The following SMAP1 variants were observed in gnomAD, a reference collection of about 807,000 sequenced individuals.
The protein encoded by SMAP1 is small ArfGAP 1.
Under a neutral mutation model 58.5 loss-of-function variants are expected in SMAP1, and 24 were observed. That is an observed-to-expected ratio of 0.41 (90% CI 0.30 to 0.58). The LOEUF (loss-of-function observed/expected upper bound fraction) is 0.58. Among genes scored for constraint, SMAP1 ranks in the 20% least tolerant of loss-of-function variants. The pLI, the probability that SMAP1 is intolerant of heterozygous loss-of-function variation, is 0.29. For missense variants in SMAP1, 563 were observed against 566.3 expected, an observed-to-expected ratio of 0.99 and a Z score of 0.06; for synonymous variants, 216 against 196.6, an observed-to-expected ratio of 1.10 and a Z score of -0.82.
intron 5 of SMAP1, among the ~76,000 whole-genome samples, chr6:70,795,346 C>G (rs1189247876): frequency 6.6e-6 from 1 of 152,200 alleles, no homozygotes; most frequent in Non-Finnish European, 1.5e-5. Context: ...TACTCTAACA[C>G]TATACCATAG....
At chr6:70,754,945 T>G (rs763931061) in intron 2 of SMAP1, 35 bp from the exon 3 acceptor site, 1 of 1,376,674 alleles carries the variant, frequency 7.3e-7, no homozygotes, top group Non-Finnish European at 1.0e-6. Flanking sequence ...TTTTTAATGT[T>G]TATGTGAGTA....
In SMAP1 at chr6:70,667,987, G is replaced by A. The variant is rs756122880; in HGVS notation, c.-37G>A. ...CCGGCTCCAGCCAGCGTCCGCCGCCGCCGTAGCTGCCCCAGGCTCCCCGCC... is the reference window on the plus strand; with the variant it reads ...CCGGCTCCAGCCAGCGTCCGCCGCCACCGTAGCTGCCCCAGGCTCCCCGCC... On this transcript the variant is annotated 5_prime_UTR_variant, in exon 1 of 11. Transcript: ENST00000370455. The A allele has an allele frequency of 3.3e-5, 50 of 1,538,252 alleles. No homozygotes were observed. Among genetic ancestry groups the A allele is most frequent in the Middle Eastern group, 2.1e-4 (1 of 4,866 alleles).
intron 4 of SMAP1, among the ~76,000 whole-genome samples, chr6:70,779,004 T>C (rs554954233): frequency 6.6e-6 from 1 of 152,314 alleles, no homozygotes; most frequent in African/African-American, 2.4e-5. Context: ...TGTGCAGGCA[T>C]TTGCATTGGT....
intron 7 of SMAP1, among the ~76,000 whole-genome samples, chr6:70,851,562 T>G (rs543974012): frequency 6.6e-6 from 1 of 152,300 alleles, no homozygotes; most frequent in Non-Finnish European, 1.5e-5. Context: ...GCTGGAGTTG[T>G]GATGCTCTGA....
intron 2 of SMAP1, among the ~76,000 whole-genome samples, chr6:70,751,473 A>G (rs1766273873): frequency 6.6e-6 from 1 of 152,162 alleles, no homozygotes; most frequent in East Asian, 1.9e-4. Context: ...TTTAATGAGT[A>G]AATAAATGTC....
intron 2 of SMAP1, among the ~76,000 whole-genome samples, chr6:70,747,484 T>C (rs1351132308): frequency 6.6e-6 from 1 of 151,748 alleles, no homozygotes; most frequent in African/African-American, 2.4e-5. Context: ...AGGGAGAGAG[T>C]AGGGAGCTCT....
chr6:70,712,649 CTTGA>C (rs1768099296), intron 1 of SMAP1, among the ~76,000 whole-genome samples: 1 of 152,006 alleles, frequency 6.6e-6, no homozygotes, highest in South Asian at 2.1e-4. Context: ...TCTGTTTCTT[CTTGA>C]TTCAGTCTTG....
chr6:70,724,874 A>G (rs992593885), intron 1 of SMAP1, among the ~76,000 whole-genome samples: 2 of 151,854 alleles, frequency 1.3e-5, no homozygotes, highest in Admixed American at 6.6e-5. Context: ...AAATATGTTT[A>G]ATATTAAGAA....
Position 70,729,560 on chromosome 6 carries a change from C to G in SMAP1, c.119-2818C>G, listed in dbSNP as rs74986865. ...TAAATCGCCTGCCAGACATTTTCAT[C>G]TTGGTGTATCACTATCATTTAAAGC... On this transcript the variant is annotated intron_variant, in intron 1 of 10. Transcript: ENST00000370455. Among the ~76,000 whole-genome samples, 70 of 149,644 alleles carry G rather than the reference C, an allele frequency of 4.7e-4. No homozygotes were observed. The East Asian group carries it at 0.013, about 28-fold the overall frequency.
intron 4 of SMAP1, among the ~76,000 whole-genome samples, chr6:70,776,387 G>T (rs1277010334): frequency 6.6e-6 from 1 of 152,082 alleles, no homozygotes; most frequent in Non-Finnish European, 1.5e-5. Context: ...TGCCATGTTG[G>T]CCAGGATGGT....
intron 2 of SMAP1, among the ~76,000 whole-genome samples, chr6:70,745,897 G>T (rs527421081): frequency 2.4e-4 from 36 of 152,268 alleles, no homozygotes; most frequent in Admixed American, 2.3e-3. Flanking sequence ...CACATCCCTT[G>T]TAAGTTGGAT....
chr6:70,768,704 C>T (rs889070501), intron 3 of SMAP1, among the ~76,000 whole-genome samples: 4 of 151,684 alleles, frequency 2.6e-5, no homozygotes, highest in African/African-American at 7.3e-5. Flanking sequence ...AAAACCAGCT[C>T]CTGGATTCAT....
chr6:70,806,297 C>T (rs548160979), intron 6 of SMAP1, among the ~76,000 whole-genome samples: 5 of 152,344 alleles, frequency 3.3e-5, no homozygotes, highest in South Asian at 2.1e-4. Context: ...GCTCTGTGAG[C>T]GTGGGACCTG....
At chr6:70,758,672 C>G (rs1766618444) in intron 3 of SMAP1, among the ~76,000 whole-genome samples, 3 of 151,888 alleles carry the variant, frequency 2.0e-5, no homozygotes, top group Non-Finnish European at 2.9e-5. Flanking sequence ...TTATACAGCC[C>G]AAAATTAGCA....
chr6:70,787,215 A>T (rs927072591), intron 4 of SMAP1, among the ~76,000 whole-genome samples: 1 of 152,216 alleles, frequency 6.6e-6, no homozygotes, highest in Non-Finnish European at 1.5e-5. Flanking sequence ...TCCCTTTTTA[A>T]TAAATGATGC....
chr6:70,783,146 G>C (rs558463479), intron 4 of SMAP1, among the ~76,000 whole-genome samples: 12 of 152,250 alleles, frequency 7.9e-5, no homozygotes, highest in Admixed American at 7.8e-4. Context: ...CTGTTCTACA[G>C]CCACCGCTTT....
At chr6:70,679,747 G>T (rs186714837) in intron 1 of SMAP1, among the ~76,000 whole-genome samples, 21 of 152,224 alleles carry the variant, frequency 1.4e-4, no homozygotes, top group African/African-American at 5.1e-4. Flanking sequence ...GTGGAGAGAG[G>T]TATCAGAGAT....
rs1269423326 is a variant in SMAP1 at position 70,834,794 on chromosome 6, A to G, written c.577-2147A>G. Among the ~76,000 whole-genome samples, 3 of 152,168 alleles carry G rather than the reference A, an allele frequency of 2.0e-5. No individual in the cohort carries two copies. In the East Asian group the frequency reaches 5.8e-4, roughly 29 times the overall value. ...TCCTTTCTTCATGACTACAGGGAAT[A>G]TTTTTCTTGAAATTATTTTGAAATC... On this transcript the variant is annotated intron_variant, in intron 6 of 10. Transcript: ENST00000370455.
Position 70,860,744 on chromosome 6 carries a change from A to G in SMAP1, c.*410A>G. ...CCTGTAGGAAGGTACTGTATGATCAAATGTTTAATCATATAAATAGAATGT... is the reference window on the plus strand; with the variant it reads ...CCTGTAGGAAGGTACTGTATGATCAGATGTTTAATCATATAAATAGAATGT... On this transcript the variant is annotated 3_prime_UTR_variant, in exon 11 of 11. Transcript: ENST00000370455. 4 of 400,660 alleles carry G rather than the reference A, an allele frequency of 1.0e-5. No individual in the cohort carries two copies. Among genetic ancestry groups the G allele is most frequent in the Non-Finnish European group, 1.8e-5 (4 of 226,996 alleles). 24.8% of individuals were successfully genotyped at this position (400,660 alleles called of 1,614,324 possible). A position where few individuals can be genotyped will look rare whatever the true frequency, so the allele number is the denominator to read the frequency against.
Sources: allele counts gnomAD v4.1 joint callset (sites outside exome capture counted in the v4.1 genomes callset), GRCh38; gene constraint gnomAD v4.1.1; transcripts MANE v1.5; gene names NCBI Gene and HGNC (gene_info 2026-07-23, HGNC 2026-07-21).